Variants in FYN observed in about 807,000 individuals in gnomAD.
The protein encoded by FYN is tyrosine-protein kinase Fyn.
A neutral mutation model predicts 70.2 loss-of-function variants in FYN; 10 were observed. The observed-to-expected ratio is 0.14, with a 90% CI of 0.09 to 0.24. The LOEUF is 0.24. Among genes scored for constraint, FYN ranks in the 10% least tolerant of loss-of-function variants. The pLI is 1.00. For missense variants in FYN, 319 were observed against 673.1 expected (o/e 0.47, Z 5.82); for synonymous variants, 236 against 248.6 (o/e 0.95, Z 0.48).
At chr6:111,764,227 A>AAAAAAG (rs1396786770) in intron 3 of FYN, among the ~76,000 whole-genome samples, 14 of 148,098 alleles carry the variant, frequency 9.5e-5, no homozygotes, top group African/African-American at 3.0e-4. Flanking sequence ...AAAAAAAAAA[A>AAAAAAG]AAAAAGAAAA....
intron 2 of FYN, among the ~76,000 whole-genome samples, chr6:111,835,802 A>G (rs1434056014): frequency 6.9e-6 from 1 of 144,892 alleles, no homozygotes; most frequent in East Asian, 1.9e-4. Flanking sequence ...GCAAAAAGGA[A>G]AAAAGGAGAA....
chr6:111,840,895 G>GC (rs1353551881), intron 2 of FYN, among the ~76,000 whole-genome samples: 4 of 152,204 alleles, frequency 2.6e-5, no homozygotes, highest in African/African-American at 9.6e-5. Flanking sequence ...AGCAGGCCTG[G>GC]CTGCAGTGAA....
At chr6:111,743,716 C>A (rs1051169972) in intron 3 of FYN, among the ~76,000 whole-genome samples, 3 of 152,218 alleles carry the variant, frequency 2.0e-5, no homozygotes, top group Non-Finnish European at 2.9e-5. Context: ...GGTACCAGCA[C>A]TGTGAAAATC....
intron 3 of FYN, among the ~76,000 whole-genome samples, chr6:111,752,013 T>C (rs943686799): frequency 6.6e-6 from 1 of 152,334 alleles, no homozygotes; most frequent in African/African-American, 2.4e-5. Flanking sequence ...CAAGGAGTAA[T>C]AAATTTATAA....
chr6:111,669,623 G>A (rs1798175381), intron 13 of FYN, among the ~76,000 whole-genome samples: 1 of 152,046 alleles, frequency 6.6e-6, no homozygotes, highest in Admixed American at 6.6e-5. Context: ...TGAGGACAGA[G>A]GCTACCTTGT....
intron 1 of FYN, among the ~76,000 whole-genome samples, chr6:111,855,654 ACT>A (rs1210434806): frequency 2.6e-5 from 4 of 152,104 alleles, no homozygotes; most frequent in African/African-American, 7.2e-5. Flanking sequence ...TTGAGAAATG[ACT>A]CTCTCTGTCA....
chr6:111,808,025 T>C (rs910111233), intron 2 of FYN, among the ~76,000 whole-genome samples: 1 of 152,078 alleles, frequency 6.6e-6, no homozygotes, highest in African/African-American at 2.4e-5. Context: ...GGAGAATTGC[T>C]TGAACCTGGA....
At chr6:111,819,518 G>C (rs978827904) in intron 2 of FYN, among the ~76,000 whole-genome samples, 1 of 151,958 alleles carries the variant, frequency 6.6e-6, no homozygotes, top group Admixed American at 6.6e-5. Flanking sequence ...CTCTGAACCT[G>C]TCTTTAAAAC....
intron 2 of FYN, among the ~76,000 whole-genome samples, chr6:111,846,195 C>A (rs1260577758): frequency 6.6e-6 from 1 of 152,140 alleles, no homozygotes; most frequent in Non-Finnish European, 1.5e-5. Flanking sequence ...GGAAAAACAA[C>A]AATGAATGGA....
chr6:111,684,323 A>T (rs985731321), intron 12 of FYN, among the ~76,000 whole-genome samples: 1 of 152,180 alleles, frequency 6.6e-6, no homozygotes, highest in Non-Finnish European at 1.5e-5. Context: ...CATGGAAGGA[A>T]TATTCAGGCT....
Position 111,837,813 on chromosome 6 carries a change from G to A in FYN, c.-82+8776C>T, listed in dbSNP as rs557720543. Among the ~76,000 whole-genome samples, 10 of 139,536 alleles carry A rather than the reference G, an allele frequency of 7.2e-5. No homozygotes were observed. The South Asian group carries it at 1.3e-3, about 18-fold the overall frequency. The allele number at this position is 139,536 out of a possible 152,430, so 91.5% of individuals were successfully genotyped here. A position where few individuals can be genotyped will look rare whatever the true frequency, so the allele number is the denominator to read the frequency against. Reference sequence around the variant, plus strand: ...GCTCACATACTTTCCACCACACGACGCTGCCTCATGTTCCACCCTGAAACC... The same window carrying A: ...GCTCACATACTTTCCACCACACGACACTGCCTCATGTTCCACCCTGAAACC... On this transcript the variant is annotated intron_variant, in intron 2 of 13. Coordinates refer to ENST00000354650, the MANE Select transcript of FYN (RefSeq NM_002037.5).
At chr6:111,764,819 C>T (rs1803163887) in intron 3 of FYN, among the ~76,000 whole-genome samples, 1 of 152,198 alleles carries the variant, frequency 6.6e-6, no homozygotes, top group Non-Finnish European at 1.5e-5. Flanking sequence ...AGGAAAGATG[C>T]TCTTTTAAAA....
intron 13 of FYN, among the ~76,000 whole-genome samples, chr6:111,664,896 A>G (rs1438924673): frequency 6.6e-6 from 1 of 152,222 alleles, no homozygotes; most frequent in Non-Finnish European, 1.5e-5. Flanking sequence ...GACAATGACA[A>G]TTGGAATGGG....
chr6:111,777,478 G>A (rs1770997077), intron 3 of FYN, among the ~76,000 whole-genome samples: 2 of 151,972 alleles, frequency 1.3e-5, no homozygotes, highest in Non-Finnish European at 2.9e-5. Flanking sequence ...TTCTGCATGT[G>A]TGCACGAGTG....
chr6:111,724,724 C>T (rs927397967), intron 3 of FYN, among the ~76,000 whole-genome samples: 1 of 152,158 alleles, frequency 6.6e-6, no homozygotes, highest in Non-Finnish European at 1.5e-5. Flanking sequence ...GTCTCAGAAG[C>T]CAACCTAGGT....
At chr6:111,794,078 G>C (rs117739414) in intron 2 of FYN, among the ~76,000 whole-genome samples, 2 of 152,156 alleles carry the variant, frequency 1.3e-5, no homozygotes, top group East Asian at 3.9e-4. Context: ...AGAAGATCCC[G>C]GGGCAGGGCC....
intron 13 of FYN, among the ~76,000 whole-genome samples, chr6:111,673,674 G>A (rs1200963577): frequency 1.4e-5 from 2 of 146,354 alleles, no homozygotes; most frequent in Non-Finnish European, 3.0e-5. Context: ...GGGAATGAGG[G>A]GGAGCTATGT....
chr6:111,752,968 CA>C (rs1802553344), intron 3 of FYN, among the ~76,000 whole-genome samples: 1 of 152,148 alleles, frequency 6.6e-6, no homozygotes, highest in Non-Finnish European at 1.5e-5. Context: ...TAGTATTTGA[CA>C]GTTTAGTGTA....
At chr6:111,844,521 T>C (rs1773460687) in intron 2 of FYN, among the ~76,000 whole-genome samples, 1 of 152,244 alleles carries the variant, frequency 6.6e-6, no homozygotes, top group South Asian at 2.1e-4. Context: ...AATAGAGCTT[T>C]TAAAACAGCA....
Sources: gnomAD v4.1 joint callset for allele counts (sites outside exome capture counted in the v4.1 genomes callset) on GRCh38, gnomAD v4.1.1 for gene constraint, MANE v1.5 for transcripts, NCBI Gene and HGNC (gene_info 2026-07-23, HGNC 2026-07-21) for gene names.